GALNTL6: variants seen among roughly 807,000 people sequenced by gnomAD.
GALNTL6 encodes polypeptide N-acetylgalactosaminyltransferase-like 6.
In GALNTL6, 46 loss-of-function variants were observed where a neutral mutation model predicts 73.7. That is an observed-to-expected ratio of 0.62 (90% CI 0.49 to 0.80). The LOEUF (loss-of-function observed/expected upper bound fraction) is 0.80, where lower values mean the gene tolerates loss of function less well. Ranked by LOEUF, GALNTL6 falls within the 30% of genes least tolerant of loss-of-function variation. GALNTL6 has a pLI of 0.00. For missense variants in GALNTL6, 604 were observed against 755.0 expected (o/e 0.80, Z 2.34); for synonymous variants, 259 against 263.7 (o/e 0.98, Z 0.17).
chr4:172,406,699 T>A (rs1422370766), intron 5 of GALNTL6, among the ~76,000 whole-genome samples: 1 of 152,034 alleles, frequency 6.6e-6, no homozygotes, highest in African/African-American at 2.4e-5. Context: ...TTTTCTGAGT[T>A]TACTAGGCTA....
chr4:172,090,077 C>T (rs561688970), intron 2 of GALNTL6, among the ~76,000 whole-genome samples: 7 of 152,316 alleles, frequency 4.6e-5, no homozygotes, highest in African/African-American at 1.7e-4. Context: ...ATATGTACCA[C>T]ATTTTCATTA....
At chr4:171,898,063 T>G (rs1162056391) in intron 2 of GALNTL6, among the ~76,000 whole-genome samples, 4 of 151,942 alleles carry the variant, frequency 2.6e-5, no homozygotes, top group Admixed American at 6.6e-5. Flanking sequence ...TAAAAATGGG[T>G]AAAAGTTTTG....
intron 5 of GALNTL6, among the ~76,000 whole-genome samples, chr4:172,519,946 G>T (rs1397557981): frequency 6.6e-6 from 1 of 151,544 alleles, no homozygotes; most frequent in African/African-American, 2.4e-5. Flanking sequence ...TTCTCCTTGG[G>T]CCAAACTTTT....
intron 5 of GALNTL6, among the ~76,000 whole-genome samples, chr4:172,733,112 G>A (rs1441262113): frequency 6.6e-6 from 1 of 152,166 alleles, no homozygotes; most frequent in Non-Finnish European, 1.5e-5. Context: ...TGCAAAACGG[G>A]TCTGTTGGTG....
chr4:172,927,341 G>C (rs1399701471), intron 8 of GALNTL6, among the ~76,000 whole-genome samples: 1 of 152,180 alleles, frequency 6.6e-6, no homozygotes, highest in Admixed American at 6.5e-5. Flanking sequence ...CTGAGTCCTA[G>C]CTCTGTATCC....
At chr4:172,989,439 A>G (rs970766311) in intron 10 of GALNTL6, among the ~76,000 whole-genome samples, 3 of 152,170 alleles carry the variant, frequency 2.0e-5, no homozygotes, top group Admixed American at 6.5e-5. Context: ...GCAATGTGAG[A>G]AGGACATGAG....
chr4:172,844,610 T>G (rs1356803435), intron 7 of GALNTL6, among the ~76,000 whole-genome samples: 1 of 152,224 alleles, frequency 6.6e-6, no homozygotes, highest in Admixed American at 6.5e-5. Flanking sequence ...GGAGGTCTCT[T>G]TTCTTTGGCA....
intron 10 of GALNTL6, among the ~76,000 whole-genome samples, chr4:173,008,404 C>T (rs758434629): frequency 3.3e-5 from 5 of 152,236 alleles, no homozygotes; most frequent in Non-Finnish European, 7.3e-5. Context: ...ACATTCTTTG[C>T]CCCAACCAGC....
chr4:171,863,872 C>T (rs1735902543), intron 2 of GALNTL6, among the ~76,000 whole-genome samples: 1 of 152,062 alleles, frequency 6.6e-6, no homozygotes, highest in African/African-American at 2.4e-5. Flanking sequence ...ATTCTCCTGC[C>T]TCAGCCCCCA....
In GALNTL6 at chr4:172,224,949, G is replaced by A. The variant is rs113792850; in HGVS notation, c.139-4707G>A. On this transcript the variant is annotated intron_variant, in intron 2 of 12. Transcript: ENST00000506823. ...GTTTCTACTTAATGGATTCTGTCTCGTCTGTCCCTGATATTTTTTCAAGTT... is the reference window on the plus strand; with the variant it reads ...GTTTCTACTTAATGGATTCTGTCTCATCTGTCCCTGATATTTTTTCAAGTT... Among the ~76,000 whole-genome samples the A allele has an allele frequency of 2.5e-3, 376 of 152,062 alleles. 2 individuals are homozygous for A. Among genetic ancestry groups the A allele is most frequent in the African/African-American group, 7.4e-3 (305 of 41,476 alleles).
At chr4:171,933,910 TA>T (rs1229145843) in intron 2 of GALNTL6, among the ~76,000 whole-genome samples, 1 of 152,136 alleles carries the variant, frequency 6.6e-6, no homozygotes, top group Non-Finnish European at 1.5e-5. Context: ...GGAAACACAT[TA>T]AAGATTATTT....
chr4:172,357,652 C>T lies in GALNTL6; in HGVS notation c.553+8963C>T, dbSNP rs1169568962. Among the ~76,000 whole-genome samples the T allele has an allele frequency of 8.7e-5, 3 of 34,314 alleles. No individual in the cohort carries two copies. The Admixed American group carries it at 1.5e-3, about 17-fold the overall frequency. The allele number at this position is 34,314 out of a possible 152,430, so 22.5% of individuals were successfully genotyped here. On this transcript the variant is annotated intron_variant, in intron 5 of 12. Transcript: ENST00000506823. ...AGATATATACACACACACACACACACACACACACACACACACGGAATTCAT... is the reference window on the plus strand; with the variant it reads ...AGATATATACACACACACACACACATACACACACACACACACGGAATTCAT...
chr4:172,666,836 C>T (rs1328836181), intron 5 of GALNTL6: 1 of 152,164 alleles, frequency 6.6e-6, no homozygotes, highest in Non-Finnish European at 1.5e-5. Context: ...AAGCACTAGT[C>T]TACGCTGTAT....
chr4:171,950,106 A>G (rs1738827418), intron 2 of GALNTL6, among the ~76,000 whole-genome samples: 1 of 152,206 alleles, frequency 6.6e-6, no homozygotes, highest in African/African-American at 2.4e-5. Context: ...CTGAGAGCTG[A>G]TTCCTCATTA....
intron 2 of GALNTL6, among the ~76,000 whole-genome samples, chr4:172,036,393 A>G (rs930702504): frequency 2.0e-5 from 3 of 152,156 alleles, no homozygotes; most frequent in African/African-American, 7.2e-5. Flanking sequence ...CTAATAATAC[A>G]TTGAATAAAT....
chr4:171,843,130 C>A (rs1289207925), intron 2 of GALNTL6, among the ~76,000 whole-genome samples: 2 of 152,162 alleles, frequency 1.3e-5, no homozygotes, highest in East Asian at 3.9e-4. Context: ...ATAAAGAAAT[C>A]TTCTATTAGT....
intron 3 of GALNTL6, among the ~76,000 whole-genome samples, chr4:172,306,053 G>A (rs1334199568): frequency 6.6e-6 from 1 of 152,058 alleles, no homozygotes; most frequent in Non-Finnish European, 1.5e-5. Context: ...AGAAGCTTTG[G>A]GTGGATGTAT....
intron 12 of GALNTL6, among the ~76,000 whole-genome samples, chr4:173,039,682 T>C (rs1250871089): frequency 6.6e-6 from 1 of 152,170 alleles, no homozygotes; most frequent in Non-Finnish European, 1.5e-5. Flanking sequence ...AAGTGGATGA[T>C]TGAATGAATA....
At position 172,298,523 on chromosome 4, in the gene GALNTL6, G is replaced by T. The variant is rs531018443; in HGVS notation, c.248-13091G>T. Among the ~76,000 whole-genome samples the T allele has an allele frequency of 1.5e-4, 23 of 152,198 alleles. No homozygotes were observed. In the South Asian group the frequency reaches 4.6e-3, roughly 30 times the overall value. Reference sequence around the variant, plus strand: ...AATAGCTCTTATTATTTTGAGATACGTACCATCAATACCTAATTTCAATAC... The same window carrying T: ...AATAGCTCTTATTATTTTGAGATACTTACCATCAATACCTAATTTCAATAC... On this transcript the variant is annotated intron_variant, in intron 3 of 12. Transcript: ENST00000506823.
Sources: gnomAD v4.1 joint callset for allele counts (sites outside exome capture counted in the v4.1 genomes callset) on GRCh38, gnomAD v4.1.1 for gene constraint, MANE v1.5 for transcripts, NCBI Gene and HGNC (gene_info 2026-07-23, HGNC 2026-07-21) for gene names.